The following ALK variants were observed in gnomAD, a reference collection of about 807,000 sequenced individuals.
The protein encoded by ALK is ALK receptor tyrosine kinase.
ALK carries 74 observed loss-of-function variants against 163.1 expected under a neutral mutation model. That is an observed-to-expected ratio of 0.45 (90% CI 0.38 to 0.55). ALK has a LOEUF of 0.55. Ranked by LOEUF, ALK falls within the 20% of genes least tolerant of loss-of-function variation. The pLI is 0.00. For synonymous variants in ALK, 960 were observed against 843.2 expected, an observed-to-expected ratio of 1.14 and a Z score of -2.40; for missense variants, 2,063 against 2,105.3, an observed-to-expected ratio of 0.98 and a Z score of 0.39.
At chr2:29,527,107 C>T (rs768088071) in intron 4 of ALK, among the ~76,000 whole-genome samples, 1 of 152,172 alleles carries the variant, frequency 6.6e-6, no homozygotes, top group Non-Finnish European at 1.5e-5. Context: ...CCAGAGCTTC[C>T]ACTTTAGAAG....
At chr2:29,388,853 T>G (rs1176135279) in intron 4 of ALK, among the ~76,000 whole-genome samples, 1 of 152,208 alleles carries the variant, frequency 6.6e-6, no homozygotes, top group Non-Finnish European at 1.5e-5. Flanking sequence ...AAAAACTTGG[T>G]TAAATGCATC....
chr2:29,523,935 C>T (rs559676513), intron 4 of ALK, among the ~76,000 whole-genome samples: 50 of 141,692 alleles, frequency 3.5e-4, no homozygotes, highest in African/African-American at 1.3e-3. Context: ...TTGTACCTGC[C>T]AGGAAAGGAA....
At chr2:29,784,605 G>A (rs1663951597) in intron 1 of ALK, among the ~76,000 whole-genome samples, 1 of 152,134 alleles carries the variant, frequency 6.6e-6, no homozygotes, top group Non-Finnish European at 1.5e-5. Flanking sequence ...CTGAGCAGAA[G>A]AATCGCTTGA....
intron 4 of ALK, among the ~76,000 whole-genome samples, chr2:29,406,860 C>T (rs1339154740): frequency 1.4e-5 from 2 of 147,004 alleles, no homozygotes; most frequent in African/African-American, 2.5e-5. Context: ...GATCGCGCCA[C>T]TGCACTCCAG....
chr2:29,658,621 C>T (rs535454302), intron 3 of ALK, among the ~76,000 whole-genome samples: 2 of 152,114 alleles, frequency 1.3e-5, no homozygotes, highest in Non-Finnish European at 2.9e-5. Flanking sequence ...ACAGAGTTGA[C>T]CTGGCTTCAG....
At chr2:29,382,749 A>G (rs771887192) in intron 5 of ALK, among the ~76,000 whole-genome samples, 2 of 152,234 alleles carry the variant, frequency 1.3e-5, no homozygotes, top group African/African-American at 4.8e-5. Context: ...ACATTGCCTC[A>G]TATCATAGGT....
intron 8 of ALK, among the ~76,000 whole-genome samples, chr2:29,311,779 A>G (rs80172601): frequency 0.054 from 8,255 of 151,974 alleles, 302 homozygotes; most frequent in Non-Finnish European, 0.08. Flanking sequence ...AAAGGTGACA[A>G]TATCATCTTC....
intron 3 of ALK, among the ~76,000 whole-genome samples, chr2:29,650,929 A>G (rs113468537): frequency 4.9e-4 from 75 of 152,292 alleles, no homozygotes; most frequent in African/African-American, 1.6e-3. Context: ...AACGAATTAA[A>G]TCATGCGATA....
chr2:29,335,281 GC>G (rs1189016165), intron 5 of ALK, among the ~76,000 whole-genome samples: 1 of 152,164 alleles, frequency 6.6e-6, no homozygotes, highest in African/African-American at 2.4e-5. Context: ...TTACATATTA[GC>G]CTTTGAAATG....
At chr2:29,917,291 T>G (rs1385086007) in intron 1 of ALK, among the ~76,000 whole-genome samples, 1 of 152,164 alleles carries the variant, frequency 6.6e-6, no homozygotes, top group Admixed American at 6.5e-5. Context: ...GACAAGACAC[T>G]TGGGCAGACA....
intron 3 of ALK, among the ~76,000 whole-genome samples, chr2:29,562,089 C>A (rs1674040327): frequency 6.6e-6 from 1 of 152,202 alleles, no homozygotes; most frequent in Non-Finnish European, 1.5e-5. Context: ...CCCTTCCCAA[C>A]TAGGTCCAGC....
At chr2:29,374,115 G>A (rs1668697677) in intron 5 of ALK, among the ~76,000 whole-genome samples, 1 of 152,198 alleles carries the variant, frequency 6.6e-6, no homozygotes, top group African/African-American at 2.4e-5. Context: ...GGATAGTTGT[G>A]CAGAATTATT....
chr2:29,208,008 A>G (rs1445054822), intron 25 of ALK: 2 of 443,660 alleles, frequency 4.5e-6, no homozygotes, highest in Non-Finnish European at 4.6e-6. Flanking sequence ...AATTACCTCA[A>G]TAAATAAGTA....
At chr2:29,882,364 C>A (rs557081356) in intron 1 of ALK, among the ~76,000 whole-genome samples, 12 of 152,268 alleles carry the variant, frequency 7.9e-5, no homozygotes, top group African/African-American at 2.4e-4. Flanking sequence ...TAAACCATTA[C>A]AGTGAGTTAA....
chr2:29,322,468 T>G lies in ALK; in HGVS notation c.1415-1586A>C, dbSNP rs76113762. Among the ~76,000 whole-genome samples the G allele has an allele frequency of 9.5e-4, 145 of 152,330 alleles. 1 individual carries two copies. In the East Asian group the frequency reaches 0.015, roughly 16 times the overall value. On this transcript the variant is annotated intron_variant, in intron 6 of 28. Transcript: ENST00000389048. ...TATTTCCCCCTCAAGGGATCCCACA[T>G]CTACTTCTCTTGCAGAAACCAACTG...
At chr2:29,502,098 T>C (rs1337565902) in intron 4 of ALK, among the ~76,000 whole-genome samples, 2 of 152,220 alleles carry the variant, frequency 1.3e-5, no homozygotes, top group Non-Finnish European at 2.9e-5. Flanking sequence ...AAATTTTTAA[T>C]GAGCTCCTCT....
At chr2:29,381,630 C>T (rs1054505005) in intron 5 of ALK, among the ~76,000 whole-genome samples, 3 of 152,198 alleles carry the variant, frequency 2.0e-5, no homozygotes, top group African/African-American at 7.2e-5. Flanking sequence ...ACCAGGCATC[C>T]TGCAGACCTT....
At chr2:29,454,094 G>A (rs1198876487) in intron 4 of ALK, among the ~76,000 whole-genome samples, 1 of 152,182 alleles carries the variant, frequency 6.6e-6, no homozygotes, top group Non-Finnish European at 1.5e-5. Context: ...CTGAGGGCTT[G>A]CATATGTGAG....
At chr2:29,224,274 C>T (rs1201892400) in intron 19 of ALK, among the ~76,000 whole-genome samples, 2 of 152,082 alleles carry the variant, frequency 1.3e-5, no homozygotes, top group African/African-American at 2.4e-5. Flanking sequence ...GCTCTAATTC[C>T]GCCTCTTGTT....
Sources: gnomAD v4.1 joint callset for allele counts (sites outside exome capture counted in the v4.1 genomes callset) on GRCh38, gnomAD v4.1.1 for gene constraint, MANE v1.5 for transcripts, NCBI Gene and HGNC (gene_info 2026-07-23, HGNC 2026-07-21) for gene names.